CUX1: variants seen among roughly 807,000 people sequenced by gnomAD.
The protein encoded by CUX1 is protein CASP.
CUX1 carries 31 observed loss-of-function variants against 158.8 expected under a neutral mutation model. That is an observed-to-expected ratio of 0.20 (90% CI 0.15 to 0.26). The LOEUF is 0.26. CUX1 is among the 10% of genes least tolerant of loss of function. The probability of loss-of-function intolerance (pLI) is 1.00; values close to 1 mark genes in which losing one functional copy is unlikely to be tolerated. For missense variants in CUX1, 1,589 were observed against 2,014.6 expected, an observed-to-expected ratio of 0.79 and a Z score of 4.04; for synonymous variants, 879 against 862.1, an observed-to-expected ratio of 1.02 and a Z score of -0.34.
chr7:102,215,365 T>C (rs1263046155), intron 20 of CUX1, among the ~76,000 whole-genome samples: 1 of 151,606 alleles, frequency 6.6e-6, no homozygotes, highest in South Asian at 2.1e-4. Context: ...ATAACACTGA[T>C]GTATGATAAT....
chr7:101,907,535 G>A (rs1802893336), intron 1 of CUX1, among the ~76,000 whole-genome samples: 1 of 152,020 alleles, frequency 6.6e-6, no homozygotes, highest in South Asian at 2.1e-4. Flanking sequence ...TTTTAGTAGA[G>A]ACAGGGTTTC....
chr7:102,024,911 T>C (rs1819809331), intron 2 of CUX1, among the ~76,000 whole-genome samples: 1 of 152,150 alleles, frequency 6.6e-6, no homozygotes, highest in Non-Finnish European at 1.5e-5. Flanking sequence ...ACAACAGAAA[T>C]TTATCATGTG....
At chr7:102,228,267 A>G (rs1175083144) in intron 21 of CUX1, among the ~76,000 whole-genome samples, 1 of 152,018 alleles carries the variant, frequency 6.6e-6, no homozygotes, top group Non-Finnish European at 1.5e-5. Context: ...CCTGGCTTAG[A>G]TGTATCTCAA....
intron 3 of CUX1, among the ~76,000 whole-genome samples, chr7:102,028,429 C>T (rs879718690): frequency 3.9e-5 from 6 of 152,156 alleles, no homozygotes; most frequent in Admixed American, 1.3e-4. Flanking sequence ...AGGTTGTTGG[C>T]GCTACGGCCT....
chr7:101,980,929 G>A (rs926803266), intron 2 of CUX1, among the ~76,000 whole-genome samples: 2 of 152,142 alleles, frequency 1.3e-5, no homozygotes, highest in Non-Finnish European at 2.9e-5. Flanking sequence ...TAACTCTAGG[G>A]ATGCTCTTTC....
intron 2 of CUX1, among the ~76,000 whole-genome samples, chr7:101,984,131 C>CAT (rs1440848840): frequency 7.8e-5 from 2 of 25,700 alleles, no homozygotes; most frequent in Non-Finnish European, 1.5e-4. Flanking sequence ...TATATATATA[C>CAT]ACACACACAT....
intron 11 of CUX1, chr7:102,188,871 C>G (rs1406300056): frequency 6.6e-6 from 1 of 151,088 alleles, no homozygotes; most frequent in Non-Finnish European, 1.5e-5. Context: ...CAGGCCACAT[C>G]AATCCCCAGT....
chr7:102,028,257 C>A, intron 3 of CUX1, 112 bp downstream of exon 3: 1 of 1,092,630 alleles, frequency 9.2e-7, no homozygotes, highest in Non-Finnish European at 1.4e-6. Context: ...ATGGTGCCTT[C>A]CCGGCTGCTC....
chr7:102,075,435 C>T (rs1366188256), intron 4 of CUX1, among the ~76,000 whole-genome samples: 1 of 152,182 alleles, frequency 6.6e-6, no homozygotes, highest in African/African-American at 2.4e-5. Context: ...TGGCCGGGGA[C>T]CCTGCCATTC....
intron 8 of CUX1, among the ~76,000 whole-genome samples, chr7:102,127,723 A>T (rs1305012899): frequency 6.6e-6 from 1 of 152,102 alleles, no homozygotes; most frequent in Non-Finnish European, 1.5e-5. Context: ...CAGGAGCCTG[A>T]TTTATTACAC....
chr7:101,866,760 C>T (rs1244282904), intron 1 of CUX1, among the ~76,000 whole-genome samples: 4 of 152,098 alleles, frequency 2.6e-5, no homozygotes, highest in Non-Finnish European at 5.9e-5. Flanking sequence ...AATTTCAATC[C>T]TGAGTCAGTG....
At chr7:102,056,098 G>A (rs6959827) in intron 3 of CUX1, among the ~76,000 whole-genome samples, 22,201 of 152,146 alleles carry the variant, frequency 0.15, 1,703 homozygotes, top group Middle Eastern at 0.22. Flanking sequence ...GGAAGCTAGC[G>A]GAGGTTGATT....
chr7:102,095,290 C>T (rs1554483718), intron 4 of CUX1, among the ~76,000 whole-genome samples: 1 of 152,114 alleles, frequency 6.6e-6, no homozygotes, highest in African/African-American at 2.4e-5. Flanking sequence ...GGATTACAGG[C>T]ATGAGCCACT....
At chr7:101,874,883 C>T (rs961901397) in intron 1 of CUX1, among the ~76,000 whole-genome samples, 2 of 152,226 alleles carry the variant, frequency 1.3e-5, no homozygotes. Flanking sequence ...GTTTGCATCA[C>T]ACCTTCTGAC....
chr7:102,234,021 A>C, intron 21 of CUX1, 31 bp from the exon 22 acceptor site: 1 of 1,430,246 alleles, frequency 7.0e-7, no homozygotes, highest in East Asian at 2.7e-5. Context: ...TCTCGGTGAC[A>C]ATACCTGTCT....
chr7:101,833,738 G>A (rs541467298), intron 1 of CUX1, among the ~76,000 whole-genome samples: 9 of 151,948 alleles, frequency 5.9e-5, no homozygotes, highest in Non-Finnish European at 1.2e-4. Flanking sequence ...TGTACACTGC[G>A]GCATCAGACC....
At position 102,257,169 on chromosome 7, in the gene CUX1, AC is replaced by A; in HGVS notation, c.*8131del. On this transcript the variant is annotated 3_prime_UTR_variant, in exon 24 of 24. Coordinates refer to ENST00000292535, the MANE Select transcript of CUX1 (RefSeq NM_181552.4). ...CCAGGCCAAGGCAAGGGCCCTGCTC[AC>A]CCCAAGGTAGGCTGGGAAGAGCATC... is the stretch of plus-strand genomic sequence containing the variant. The A allele has an allele frequency of 1.0e-6, 1 of 985,238 alleles. No homozygotes were observed. The highest frequency in any genetic ancestry group is 1.2e-6 in the Non-Finnish European group (1 of 829,898). The allele number at this position is 985,238 out of a possible 1,614,324, so 61.0% of individuals were successfully genotyped here.
At chr7:102,162,969 G>C (rs1790614807) in intron 9 of CUX1, among the ~76,000 whole-genome samples, 1 of 152,144 alleles carries the variant, frequency 6.6e-6, no homozygotes, top group South Asian at 2.1e-4. Context: ...GCACAGAGTG[G>C]ACCGAAGGAG....
At chr7:102,132,174 A>G (rs575198641) in intron 8 of CUX1, among the ~76,000 whole-genome samples, 11 of 150,890 alleles carry the variant, frequency 7.3e-5, no homozygotes, top group Non-Finnish European at 1.6e-4. Flanking sequence ...GGGTGGATAG[A>G]TGGATGGGCG....
Sources: gnomAD v4.1 joint callset for allele counts (sites outside exome capture counted in the v4.1 genomes callset) on GRCh38, gnomAD v4.1.1 for gene constraint, MANE v1.5 for transcripts, NCBI Gene and HGNC (gene_info 2026-07-23, HGNC 2026-07-21) for gene names.